The following AKAP8L variants were observed in gnomAD, a reference collection of about 807,000 sequenced individuals.
AKAP8L encodes A-kinase anchoring protein 8 like.
In AKAP8L, 34 loss-of-function variants were observed where a neutral mutation model predicts 77.5. The observed-to-expected ratio is 0.44, with a 90% CI of 0.33 to 0.58. The LOEUF is 0.58. AKAP8L is among the 20% of genes least tolerant of loss of function. The probability of loss-of-function intolerance (pLI) is 0.02; values close to 1 mark genes in which losing one functional copy is unlikely to be tolerated. For synonymous variants in AKAP8L, 342 were observed against 340.7 expected (o/e 1.00, Z -0.04); for missense variants, 806 against 887.6 (o/e 0.91, Z 1.17).
chr19:15,406,987 C>G (rs968682289), intron 2 of AKAP8L, among the ~76,000 whole-genome samples: 1 of 152,148 alleles, frequency 6.6e-6, no homozygotes, highest in Non-Finnish European at 1.5e-5. Flanking sequence ...ACCAGCCAGG[C>G]GCAGTGGCTC....
At position 15,380,536 on chromosome 19, in the gene AKAP8L, T is replaced by C; in HGVS notation, c.1613A>G (p.Lys538Arg). The C allele has an allele frequency of 7.4e-6, 12 of 1,613,936 alleles. No homozygotes were observed. The highest frequency in any genetic ancestry group is 1.0e-5 in the Non-Finnish European group (12 of 1,179,892). ...CCTCACCTTCAGGTAGCGCTCCAGCTTCTTGCTGATGAGCTTGTTGTTGAG... is the reference window on the plus strand; with the variant it reads ...CCTCACCTTCAGGTAGCGCTCCAGCCTCTTGCTGATGAGCTTGTTGTTGAG... The part of the protein sequence containing the change: ...SILNNKLISK[K>R]LERYLKGENP... The change falls in exon 13 of 14, where the codon AAG becomes AGG. Residue 538 changes from lysine (K) to arginine (R), a missense_variant. Physicochemically the swap from Lys to Arg is conservative, Grantham distance 26 (BLOSUM62 2). Transcript: ENST00000397410.
At chr19:15,385,067 T>C (rs1323809185) in intron 12 of AKAP8L, among the ~76,000 whole-genome samples, 1 of 151,494 alleles carries the variant, frequency 6.6e-6, no homozygotes, top group Admixed American at 6.6e-5. Flanking sequence ...AAGCTCCGCC[T>C]CCCGAGTTCA....
chr19:15,410,486 A>T (rs1461177858), intron 2 of AKAP8L, 34 bp downstream of exon 2: 3 of 1,541,670 alleles, frequency 1.9e-6, no homozygotes, highest in Non-Finnish European at 2.6e-6. Flanking sequence ...TGCTCTGCAG[A>T]ACACTTTGGT....
intron 12 of AKAP8L, among the ~76,000 whole-genome samples, chr19:15,390,377 C>G (rs1967635146): frequency 6.7e-6 from 1 of 148,910 alleles, no homozygotes; most frequent in South Asian, 2.1e-4. Flanking sequence ...CGAGATCACA[C>G]CGTTGCACTC....
chr19:15,418,963 C>T lies in AKAP8L; in HGVS notation c.-40G>A. On this transcript the variant is annotated 5_prime_UTR_variant, in exon 1 of 14. Transcript: ENST00000397410. Reference sequence around the variant, plus strand: ...CAACATCCGACGACGCCGGCTTCTGCTGCTCTGAACATCCGACGCTGCGAT... The same window carrying T: ...CAACATCCGACGACGCCGGCTTCTGTTGCTCTGAACATCCGACGCTGCGAT... 6.2e-7 allele frequency: 1 copy of T among 1,603,802 alleles called. No individual in the cohort carries two copies. Among genetic ancestry groups the T allele is most frequent in the Non-Finnish European group, 8.5e-7 (1 of 1,179,332 alleles).
intron 1 of AKAP8L, among the ~76,000 whole-genome samples, chr19:15,418,413 G>A (rs575010754): frequency 4.0e-5 from 6 of 151,822 alleles, no homozygotes; most frequent in Admixed American, 2.0e-4. Context: ...AGGGCCTGGC[G>A]CCTTTCCCAG....
rs148090292 is a variant in AKAP8L at position 15,404,232 on chromosome 19, G to C, written c.89-190C>G. The C allele has an allele frequency of 5.3e-4, 316 of 598,104 alleles. 2 individuals carry two copies. Among genetic ancestry groups the C allele is most frequent in the Middle Eastern group, 2.4e-3 (9 of 3,716 alleles). The allele number at this position is 598,104 out of a possible 1,614,324, so 37.0% of individuals were successfully genotyped here. On this transcript the variant is annotated intron_variant, in intron 2 of 13. Coordinates refer to ENST00000397410, the MANE Select transcript of AKAP8L (RefSeq NM_014371.4). ...TTGCTGCCCTGGTGCCTGGCTGCCT[G>C]TGGCTCTGAGCATCTGTTATTTAAG...
chr19:15,414,958 C>G (rs1211383870), intron 1 of AKAP8L, among the ~76,000 whole-genome samples: 1 of 152,160 alleles, frequency 6.6e-6, no homozygotes, highest in African/African-American at 2.4e-5. Context: ...ACCACCAGGC[C>G]CAGCTAATTT....
At chr19:15,395,793 G>C (rs1599601686) in intron 12 of AKAP8L, among the ~76,000 whole-genome samples, 1 of 143,360 alleles carries the variant, frequency 7.0e-6, no homozygotes, top group East Asian at 2.1e-4. Context: ...GACCATCCTG[G>C]CTAACACGGT....
chr19:15,403,330 G>A lies in AKAP8L; in HGVS notation c.362+145C>T, dbSNP rs1599610763. ...GAGACACAAGTCAGAGACGGGAAGTGCAACGGACCCTGCTGGGAGCCACAG... is the reference window on the plus strand; with the variant it reads ...GAGACACAAGTCAGAGACGGGAAGTACAACGGACCCTGCTGGGAGCCACAG... On this transcript the variant is annotated intron_variant, in intron 4 of 13. Transcript: ENST00000397410. This position sits in a 1 kb window ranked among gnomAD's most constrained non-coding sequence, Gnocchi z 4.3. 1.4e-6 allele frequency: 1 copy of A among 735,410 alleles called. No individual in the cohort carries two copies. The allele number at this position is 735,410 out of a possible 1,614,324, so 45.6% of individuals were successfully genotyped here.
intron 1 of AKAP8L, among the ~76,000 whole-genome samples, chr19:15,418,542 G>A (rs1459074223): frequency 6.6e-6 from 1 of 152,222 alleles, no homozygotes; most frequent in Non-Finnish European, 1.5e-5. Flanking sequence ...AGCCGAGCCT[G>A]CTGCCTGCTC....
At chr19:15,414,656 T>C (rs1362095492) in intron 1 of AKAP8L, among the ~76,000 whole-genome samples, 1 of 152,134 alleles carries the variant, frequency 6.6e-6, no homozygotes, top group East Asian at 1.9e-4. Flanking sequence ...GCCTGGCTAA[T>C]TTTTTGTATT....
chr19:15,386,394 T>TA (rs1473899032), intron 12 of AKAP8L, among the ~76,000 whole-genome samples: 1 of 152,046 alleles, frequency 6.6e-6, no homozygotes, highest in Admixed American at 6.6e-5. Flanking sequence ...TGAAAAGTAT[T>TA]AAAAAACAAC....
intron 7 of AKAP8L, 196 bp downstream of exon 7, chr19:15,400,598 A>G (rs1389227798): frequency 1.6e-5 from 12 of 758,358 alleles, no homozygotes; most frequent in Non-Finnish European, 2.6e-5. Context: ...ACAGGGGCTC[A>G]TCCCATTTTC....
rs2145134069 is a variant in AKAP8L at position 15,401,787 on chromosome 19, CA to C, written c.363-185del. 6.6e-6 allele frequency among the ~76,000 whole-genome samples: 1 copy of C among 152,324 alleles called. No individual in the cohort carries two copies. The highest frequency in any genetic ancestry group is 1.9e-4 in the East Asian group (1 of 5,186). ...AGCTGATATAGGGGCACCACTGCCC[CA>C]AACTTGAATGTAGCCACACACTGGC... On this transcript the variant is annotated intron_variant, in intron 4 of 13. Transcript: ENST00000397410. The surrounding 1 kb of genome is among the most constrained non-coding windows in gnomAD (Gnocchi z 6.2).
chr19:15,396,147 A>G (rs570654039), intron 12 of AKAP8L, among the ~76,000 whole-genome samples: 1 of 152,228 alleles, frequency 6.6e-6, no homozygotes, highest in East Asian at 1.9e-4. Flanking sequence ...CACCGTTCAG[A>G]ATCATCACAC....
Position 15,399,255 on chromosome 19 carries a change from A to G in AKAP8L, c.1157+47T>C. The G allele has an allele frequency of 1.3e-6, 2 of 1,537,306 alleles. No homozygotes were observed. The highest frequency in any genetic ancestry group is 1.8e-6 in the Non-Finnish European group (2 of 1,110,470). On this transcript the variant is annotated intron_variant, in intron 9 of 13. Coordinates refer to ENST00000397410, the MANE Select transcript of AKAP8L (RefSeq NM_014371.4). This position sits in a 1 kb window ranked among gnomAD's most constrained non-coding sequence, Gnocchi z 6.1. The stretch of plus-strand genomic sequence containing the variant: ...GCTATGGCCCTGCTCTCCTGGCGGC[A>G]GCCCCACAGCGAGGCAGAGGCAGAG...
chr19:15,417,166 T>TA (rs934096609), intron 1 of AKAP8L, among the ~76,000 whole-genome samples: 3 of 151,946 alleles, frequency 2.0e-5, no homozygotes, highest in Admixed American at 6.6e-5. Context: ...CCTCATCTAT[T>TA]AAAAAAAAGA....
chr19:15,397,175 G>C lies in AKAP8L; in HGVS notation c.1511C>G (p.Thr504Ser). 1 of 1,613,942 alleles carries C rather than the reference G, an allele frequency of 6.2e-7. No homozygotes were observed. The change falls in exon 12 of 14, where the codon ACC (threonine) becomes AGC (serine). Residue 504 changes from threonine (T) to serine (S), a missense_variant. Thr to Ser is a moderately conservative substitution (Grantham distance 58). Around this residue, in one of 2 missense-constraint regions of AKAP8L, gnomAD observed 580 missense variants for 694.1 expected, o/e 0.84. Transcript: ENST00000397410. The surrounding 1 kb of genome is among the most constrained non-coding windows in gnomAD (Gnocchi z 4.7). ...QFGIIQKHLK[T>S]MDHNRNRRLM... ...CCTGCGGTTCCGGTTGTGATCCATGGTCTTCAGATGCTTCTGGATGATCCC... is the reference window on the plus strand; with the variant it reads ...CCTGCGGTTCCGGTTGTGATCCATGCTCTTCAGATGCTTCTGGATGATCCC...
Sources: gnomAD v4.1 joint callset for allele counts (sites outside exome capture counted in the v4.1 genomes callset) on GRCh38, gnomAD v4.1.1 for gene constraint, gnomAD v4.1.1 regional missense constraint, Gnocchi (gnomAD v3.1) non-coding constraint, MANE v1.5 for transcripts, NCBI Gene and HGNC (gene_info 2026-07-23, HGNC 2026-07-21) for gene names.